DOCK9: variants seen among roughly 807,000 people sequenced by gnomAD.
The protein encoded by DOCK9 is dedicator of cytokinesis protein 9.
A neutral mutation model predicts 263.3 loss-of-function variants in DOCK9; 89 were observed. That is an observed-to-expected ratio of 0.34 (90% CI 0.28 to 0.40). The LOEUF (loss-of-function observed/expected upper bound fraction) is 0.40, where lower values mean the gene tolerates loss of function less well. Ranked by LOEUF, DOCK9 falls within the 10% of genes least tolerant of loss-of-function variation. The probability of loss-of-function intolerance (pLI) is 1.00; values close to 1 mark genes in which losing one functional copy is unlikely to be tolerated. For synonymous variants in DOCK9, 976 were observed against 973.1 expected (o/e 1.00, Z -0.06); for missense variants, 2,140 against 2,603.4 (o/e 0.82, Z 3.87).
intron 2 of DOCK9, among the ~76,000 whole-genome samples, chr13:98,955,075 TGA>T (rs1423951600): frequency 6.6e-6 from 1 of 152,212 alleles, no homozygotes; most frequent in African/African-American, 2.4e-5. Context: ...CCCAACATTT[TGA>T]GAGGCCAAGG....
At chr13:99,060,594 G>A (rs1026754547) in intron 1 of DOCK9, among the ~76,000 whole-genome samples, 4 of 152,116 alleles carry the variant, frequency 2.6e-5, no homozygotes, top group African/African-American at 9.7e-5. Context: ...AATGTATGAC[G>A]GTTCAAATCT....
At chr13:98,934,191 C>T (rs1276933341) in intron 2 of DOCK9, among the ~76,000 whole-genome samples, 1 of 152,154 alleles carries the variant, frequency 6.6e-6, no homozygotes, top group East Asian at 1.9e-4. Flanking sequence ...AGGCATGAGC[C>T]ATTGCACCAG....
chr13:98,805,059 G>C lies in DOCK9; in HGVS notation c.5665C>G (p.Gln1889Glu). Residue 1889 changes from glutamine to glutamate, a missense_variant, in exon 49 of 53, where the codon CAG (glutamine) becomes GAG (glutamate). Physicochemically the swap from Gln to Glu is conservative, Grantham distance 29. This residue lies in a region of DOCK9 where 619 missense variants were observed against 861.8 expected (regional missense o/e 0.72). Transcript: ENST00000682017. Reference protein sequence around the residue: ...RRFMFEMPFTQTGKRQGGVEE... With the variant: ...RRFMFEMPFTETGKRQGGVEE... ...ACCCCGCCCTGCCTCTTCCCGGTCT[G>C]CGTAAATGGCATCTCAAACATGAAG... is the stretch of plus-strand genomic sequence containing the variant. 1 of 1,612,068 alleles carries C rather than the reference G, an allele frequency of 6.2e-7. No individual in the cohort carries two copies. Among genetic ancestry groups the C allele is most frequent in the South Asian group, 1.1e-5 (1 of 90,498 alleles).
Position 98,885,045 on chromosome 13 carries a change from T to G in DOCK9, c.2308A>C (p.Ser770Arg), listed in dbSNP as rs1270273594. The change falls in exon 21 of 53, where the codon AGC (serine) becomes CGC (arginine). Residue 770 changes from serine (S) to arginine (R), a missense_variant. Transcript: ENST00000682017. ...GCCGAGACCGGGATGTGCTGCTCGC[T>G]TGTCACCACCCTTCCGTCTTTCAGG... Reference protein sequence around the residue: ...PLLKDGRVVTSEQHIPVSANL... With the variant: ...PLLKDGRVVTREQHIPVSANL... 3 of 1,613,708 alleles carry G rather than the reference T, an allele frequency of 1.9e-6. No homozygotes were observed. The Admixed American group carries it at 5.0e-5, about 27-fold the overall frequency.
At chr13:98,915,305 C>G (rs2050713385) in intron 8 of DOCK9, 24 bp downstream of exon 8, 1 of 1,608,550 alleles carries the variant, frequency 6.2e-7, no homozygotes, top group Admixed American at 1.7e-5. Context: ...GTGTATGTGC[C>G]TGGGGGAAGC....
chr13:98,812,642 A>G (rs1369343908), intron 45 of DOCK9, among the ~76,000 whole-genome samples: 14 of 152,408 alleles, frequency 9.2e-5, no homozygotes, highest in African/African-American at 1.9e-4. Flanking sequence ...GGGTGATTAC[A>G]CTAGTTTAAA....
intron 2 of DOCK9, among the ~76,000 whole-genome samples, chr13:98,945,980 G>C (rs1485139259): frequency 6.6e-6 from 1 of 152,110 alleles, no homozygotes; most frequent in East Asian, 1.9e-4. Flanking sequence ...GGTTTGCAGG[G>C]GGCAAGAGAT....
At chr13:98,863,647 T>A (rs1373844025) in intron 30 of DOCK9, 99 bp from the exon 31 acceptor site, 2 of 1,273,396 alleles carry the variant, frequency 1.6e-6, no homozygotes, top group Non-Finnish European at 2.1e-6. Flanking sequence ...ACCCATCCTC[T>A]GCATTCAGCC....
Position 99,082,131 on chromosome 13 carries a change from A to C in DOCK9, c.129+4092T>G, listed in dbSNP as rs116878427. Among the ~76,000 whole-genome samples, 24 of 152,264 alleles carry C rather than the reference A, an allele frequency of 1.6e-4. 1 individual carries two copies. The East Asian group carries it at 2.3e-3, about 15-fold the overall frequency. ...CTACTCTGGAGGCTGAGGTAAGAGG[A>C]TTGCTTGTACCCGGGAGTTCAAAGG... is the stretch of plus-strand genomic sequence containing the variant. On this transcript the variant is annotated intron_variant, in intron 1 of 32. Coordinates refer to the DOCK9 transcript ENST00000427887.
In DOCK9 at chr13:99,008,052, T is replaced by C. The variant is rs1053915054; in HGVS notation, c.130-52501A>G. 9.2e-5 allele frequency among the ~76,000 whole-genome samples: 14 copies of C among 152,008 alleles called. 1 individual carries two copies. Among genetic ancestry groups the C allele is most frequent in the African/African-American group, 3.4e-4 (14 of 41,464 alleles). On this transcript the variant is annotated intron_variant, in intron 1 of 32. Transcript: ENST00000427887. ...TAGATATTTATCACAACATTTATAA[T>C]TGGAAAGGAAAATGGAAGAGAAGGT...
intron 1 of DOCK9, among the ~76,000 whole-genome samples, chr13:99,020,110 A>C (rs1218061260): frequency 6.6e-6 from 1 of 152,126 alleles, no homozygotes; most frequent in African/African-American, 2.4e-5. Context: ...TCAAAAAATA[A>C]AAAAAATTTA....
At chr13:99,084,510 CATGAG>C (rs2042253506) in intron 1 of DOCK9, among the ~76,000 whole-genome samples, 1 of 152,180 alleles carries the variant, frequency 6.6e-6, no homozygotes, top group Admixed American at 6.5e-5. Context: ...ACTAAAGTAT[CATGAG>C]ATAACACAGT....
At chr13:99,030,908 GA>G (rs1887268072) in intron 1 of DOCK9, among the ~76,000 whole-genome samples, 1 of 152,156 alleles carries the variant, frequency 6.6e-6, no homozygotes, top group Non-Finnish European at 1.5e-5. Context: ...GACTGACTCA[GA>G]TTTTGAATTC....
chr13:98,803,631 T>C (rs1454831211), intron 49 of DOCK9, among the ~76,000 whole-genome samples: 2 of 152,100 alleles, frequency 1.3e-5, no homozygotes, highest in Non-Finnish European at 2.9e-5. Flanking sequence ...TTATCACAGC[T>C]GAACCATAAA....
chr13:99,030,300 A>G (rs1332907047), intron 1 of DOCK9, among the ~76,000 whole-genome samples: 1 of 152,270 alleles, frequency 6.6e-6, no homozygotes, highest in Non-Finnish European at 1.5e-5. Context: ...TGTCACAGGC[A>G]TATGAAATAA....
At chr13:99,044,740 G>C (rs1888793790) in intron 1 of DOCK9, among the ~76,000 whole-genome samples, 1 of 152,166 alleles carries the variant, frequency 6.6e-6, no homozygotes, top group Non-Finnish European at 1.5e-5. Context: ...TTGAAGACAA[G>C]AGCAATCATT....
intron 2 of DOCK9, among the ~76,000 whole-genome samples, chr13:98,954,138 C>T (rs2057755128): frequency 6.6e-6 from 1 of 151,904 alleles, no homozygotes; most frequent in Non-Finnish European, 1.5e-5. Context: ...GATTAGAAGG[C>T]GTGGGGAGGC....
intron 1 of DOCK9, among the ~76,000 whole-genome samples, chr13:99,037,671 T>C (rs1011958177): frequency 1.3e-5 from 2 of 152,240 alleles, no homozygotes; most frequent in Non-Finnish European, 2.9e-5. Flanking sequence ...ACACAAATAT[T>C]CATGGCAACT....
chr13:98,837,016 A>G (rs967224616), intron 39 of DOCK9, among the ~76,000 whole-genome samples: 8 of 150,964 alleles, frequency 5.3e-5, no homozygotes, highest in Admixed American at 2.0e-4. Context: ...AAACAAGACA[A>G]AAAAAAAACC....
Sources: gnomAD v4.1 joint callset for allele counts (sites outside exome capture counted in the v4.1 genomes callset) on GRCh38, gnomAD v4.1.1 for gene constraint, gnomAD v4.1.1 regional missense constraint, MANE v1.5 for transcripts, NCBI Gene and HGNC (gene_info 2026-07-23, HGNC 2026-07-21) for gene names.